Variants in PAX5 observed in about 807,000 individuals in gnomAD.
The protein encoded by PAX5 is paired box 5.
In PAX5, 9 loss-of-function variants were observed where a neutral mutation model predicts 43.7. The observed-to-expected ratio is 0.21, with a 90% CI of 0.12 to 0.36. The LOEUF (loss-of-function observed/expected upper bound fraction) is 0.36. Ranked by LOEUF, PAX5 falls within the 10% of genes least tolerant of loss-of-function variation. The pLI is 1.00. For missense variants in PAX5, 383 were observed against 532.7 expected (o/e 0.72, Z 2.77); for synonymous variants, 228 against 214.3 (o/e 1.06, Z -0.56).
At chr9:37,024,215 G>A (rs1425375246) in intron 1 of PAX5, among the ~76,000 whole-genome samples, 3 of 152,196 alleles carry the variant, frequency 2.0e-5, no homozygotes, top group Non-Finnish European at 2.9e-5. Context: ...TAGGGGAACC[G>A]CTCAGGAAGA....
chr9:36,873,681 G>A (rs768123110), intron 8 of PAX5, among the ~76,000 whole-genome samples: 25 of 152,196 alleles, frequency 1.6e-4, no homozygotes, highest in Non-Finnish European at 2.9e-4. Context: ...CTTAGGTCAC[G>A]GAGGTGCCTG....
At chr9:36,948,186 C>A (rs1466993692) in intron 6 of PAX5, among the ~76,000 whole-genome samples, 1 of 152,156 alleles carries the variant, frequency 6.6e-6, no homozygotes, top group Non-Finnish European at 1.5e-5. Context: ...CAGGTACGCA[C>A]GCCAGGTTCC....
chr9:36,906,433 C>T (rs887678123), intron 7 of PAX5, among the ~76,000 whole-genome samples: 1 of 152,102 alleles, frequency 6.6e-6, no homozygotes, highest in Admixed American at 6.5e-5. Flanking sequence ...GGGCCATGAG[C>T]CAAGGAATTT....
In PAX5 at chr9:36,913,942, T is replaced by C. The variant is rs78625005; in HGVS notation, c.910+9413A>G. ...AGCACATCCGCTAACACAGGTGGAGTTAGATGAATGCCGTGTGGTGAAACA... is the reference window on the plus strand; with the variant it reads ...AGCACATCCGCTAACACAGGTGGAGCTAGATGAATGCCGTGTGGTGAAACA... On this transcript the variant is annotated intron_variant, in intron 7 of 9. Coordinates refer to ENST00000358127, the MANE Select transcript of PAX5 (RefSeq NM_016734.3). 1.0e-2 allele frequency among the ~76,000 whole-genome samples: 1,518 copies of C among 152,110 alleles called. 25 individuals carry two copies. Among genetic ancestry groups the C allele is most frequent in the African/African-American group, 0.035 (1,457 of 41,506 alleles).
intron 5 of PAX5, among the ~76,000 whole-genome samples, chr9:36,971,661 G>A (rs1173859341): frequency 3.3e-5 from 5 of 152,164 alleles, no homozygotes; most frequent in Non-Finnish European, 5.9e-5. Context: ...ATATGTAATA[G>A]ACCCAGTGCT....
chr9:36,963,059 C>T (rs974328000), intron 6 of PAX5, among the ~76,000 whole-genome samples: 24 of 152,226 alleles, frequency 1.6e-4, no homozygotes, highest in African/African-American at 5.5e-4. Context: ...GAATCGGGCA[C>T]GAGGGTATGT....
chr9:36,990,042 T>G (rs1836792966), intron 5 of PAX5, among the ~76,000 whole-genome samples: 1 of 152,008 alleles, frequency 6.6e-6, no homozygotes, highest in African/African-American at 2.4e-5. Context: ...AGCCCTCACT[T>G]AGGAAGTGAC....
rs1840406269 is a variant in PAX5 at position 37,026,637 on chromosome 9, A to G, written c.47-5836T>C. On this transcript the variant is annotated intron_variant, in intron 1 of 9. Coordinates refer to ENST00000358127, the MANE Select transcript of PAX5 (RefSeq NM_016734.3). Reference sequence around the variant, plus strand: ...GCCTCCCGGCGCCAAGGGGCTGCCCAGGGCGGATAGGGAGCCTCGCCACCA... The same window carrying G: ...GCCTCCCGGCGCCAAGGGGCTGCCCGGGGCGGATAGGGAGCCTCGCCACCA... 5.2e-6 allele frequency: 7 copies of G among 1,350,474 alleles called. No individual in the cohort carries two copies. The South Asian group carries it at 7.4e-5, about 14-fold the overall frequency. The allele number at this position is 1,350,474 out of a possible 1,614,324, so 83.7% of individuals were successfully genotyped here. A position where few individuals can be genotyped will look rare whatever the true frequency, so the allele number is the denominator to read the frequency against.
At chr9:36,889,945 G>GT (rs900375054) in intron 7 of PAX5, among the ~76,000 whole-genome samples, 22 of 143,516 alleles carry the variant, frequency 1.5e-4, no homozygotes, top group Non-Finnish European at 2.9e-4. Flanking sequence ...CACTAACGGG[G>GT]GGGGGGGGAA....
intron 6 of PAX5, among the ~76,000 whole-genome samples, chr9:36,925,090 G>C (rs950479532): frequency 6.6e-6 from 1 of 152,078 alleles, no homozygotes; most frequent in Non-Finnish European, 1.5e-5. Flanking sequence ...GGAGCCACTG[G>C]GTGGCAGGCA....
At chr9:36,876,925 A>G (rs1416226150) in intron 8 of PAX5, among the ~76,000 whole-genome samples, 1 of 152,238 alleles carries the variant, frequency 6.6e-6, no homozygotes, top group Non-Finnish European at 1.5e-5. Flanking sequence ...TTAGTAAGGA[A>G]AAACATGACA....
chr9:36,862,552 C>T (rs953054969), intron 8 of PAX5, among the ~76,000 whole-genome samples: 2 of 152,106 alleles, frequency 1.3e-5, no homozygotes, highest in Non-Finnish European at 2.9e-5. Context: ...GCACGTGGAT[C>T]CATCATGCTA....
intron 5 of PAX5, among the ~76,000 whole-genome samples, chr9:36,995,263 C>T (rs1366831179): frequency 6.6e-6 from 1 of 152,244 alleles, no homozygotes; most frequent in Non-Finnish European, 1.5e-5. Context: ...TGGAAATCCC[C>T]ACAGGGGAGT....
chr9:36,946,109 G>A (rs918012720), intron 6 of PAX5, among the ~76,000 whole-genome samples: 6 of 152,054 alleles, frequency 3.9e-5, no homozygotes, highest in Non-Finnish European at 7.4e-5. Flanking sequence ...TGCTCCATCA[G>A]GAAGCGACTC....
At chr9:36,981,191 C>CA (rs916650225) in intron 5 of PAX5, among the ~76,000 whole-genome samples, 2 of 149,332 alleles carry the variant, frequency 1.3e-5, no homozygotes, top group Non-Finnish European at 3.0e-5. Flanking sequence ...CAAAGCCCCC[C>CA]CCCCCTCAGC....
At position 36,864,559 on chromosome 9, in the gene PAX5, T is replaced by G. The variant is rs548911584; in HGVS notation, c.1012+17445A>C. On this transcript the variant is annotated intron_variant, in intron 8 of 9. Coordinates refer to ENST00000358127, the MANE Select transcript of PAX5 (RefSeq NM_016734.3). ...GGGTCCCCGTGCCCCAGCCGGACCC[T>G]GAGTCAGGGGACCCCAACTCCACCC... Among the ~76,000 whole-genome samples, 3 of 152,318 alleles carry G rather than the reference T, an allele frequency of 2.0e-5. No homozygotes were observed. In the South Asian group the frequency reaches 6.2e-4, roughly 32 times the overall value.
chr9:36,956,251 T>C (rs111519900), intron 6 of PAX5, among the ~76,000 whole-genome samples: 3 of 152,314 alleles, frequency 2.0e-5, no homozygotes, highest in African/African-American at 7.2e-5. Context: ...AATGAATAAA[T>C]GAATGAAAGA....
At chr9:36,891,372 C>T (rs181994479) in intron 7 of PAX5, among the ~76,000 whole-genome samples, 35 of 152,280 alleles carry the variant, frequency 2.3e-4, no homozygotes, top group African/African-American at 7.9e-4. Context: ...GGACGTGGGG[C>T]GGGGATTCAT....
intron 1 of PAX5, among the ~76,000 whole-genome samples, chr9:37,025,460 G>A (rs1840251327): frequency 6.6e-6 from 1 of 152,250 alleles, no homozygotes; most frequent in South Asian, 2.1e-4. Context: ...CATGGGGACG[G>A]CTCCTAGCCC....
Sources: allele counts gnomAD v4.1 joint callset (sites outside exome capture counted in the v4.1 genomes callset), GRCh38; gene constraint gnomAD v4.1.1; transcripts MANE v1.5; gene names NCBI Gene and HGNC (gene_info 2026-07-23, HGNC 2026-07-21).